The following INTS9 variants were observed in gnomAD, a reference collection of about 807,000 sequenced individuals.
INTS9 encodes integrator complex subunit 9.
In INTS9, 55 loss-of-function variants were observed where a neutral mutation model predicts 79.7. The observed-to-expected ratio is 0.69, with a 90% CI of 0.56 to 0.86. The LOEUF (loss-of-function observed/expected upper bound fraction) is 0.86, where lower values mean the gene tolerates loss of function less well. Ranked by LOEUF, INTS9 falls within the 40% of genes least tolerant of loss-of-function variation. INTS9 has a pLI of 0.00. For synonymous variants in INTS9, 319 were observed against 325.2 expected, an observed-to-expected ratio of 0.98 and a Z score of 0.20; for missense variants, 721 against 831.5, an observed-to-expected ratio of 0.87 and a Z score of 1.64.
intron 13 of INTS9, 134 bp downstream of exon 13, chr8:28,777,695 A>T (rs1046005578): frequency 2.0e-6 from 2 of 1,010,256 alleles, no homozygotes; most frequent in Admixed American, 3.7e-5. Context: ...CATGTGTCCC[A>T]GCATTCTGCA....
Position 28,852,130 on chromosome 8 carries a change from G to A in INTS9, c.138-1857C>T, listed in dbSNP as rs145967068. Among the ~76,000 whole-genome samples, 506 of 152,172 alleles carry A rather than the reference G, an allele frequency of 3.3e-3. 3 individuals are homozygous for A. Among genetic ancestry groups the A allele is most frequent in the African/African-American group, 0.012 (480 of 41,526 alleles). On this transcript the variant is annotated intron_variant, in intron 2 of 16. Coordinates refer to ENST00000521022, the MANE Select transcript of INTS9 (RefSeq NM_018250.4). ...GCTACTTGGGAGGCCCAGGAGGAAG[G>A]ATCGCTTGAGCCCAGGAGGTCAAGG... is the stretch of plus-strand genomic sequence containing the variant.
intron 4 of INTS9, among the ~76,000 whole-genome samples, chr8:28,838,462 A>G (rs1806955278): frequency 6.6e-6 from 1 of 152,026 alleles, no homozygotes; most frequent in Non-Finnish European, 1.5e-5. Context: ...AGTTTGGGTA[A>G]ATTTTAGGAA....
intron 1 of INTS9, 159 bp from the exon 2 acceptor site, chr8:28,859,722 AC>A: frequency 2.6e-6 from 2 of 783,536 alleles, no homozygotes; most frequent in Non-Finnish European, 2.2e-6. Context: ...CTTGGGGACT[AC>A]TTTCCCTAGC....
intron 6 of INTS9, among the ~76,000 whole-genome samples, chr8:28,817,460 G>C (rs1052643919): frequency 2.0e-5 from 3 of 152,104 alleles, no homozygotes; most frequent in African/African-American, 7.2e-5. Context: ...AGATCAGATA[G>C]TTGTAGATAT....
intron 16 of INTS9, among the ~76,000 whole-genome samples, chr8:28,769,299 A>G (rs1194720063): frequency 6.6e-6 from 1 of 152,238 alleles, no homozygotes; most frequent in African/African-American, 2.4e-5. Context: ...CCTTTAGCCA[A>G]TTCCTTCTTC....
At chr8:28,839,572 G>A (rs1278886701) in intron 4 of INTS9, among the ~76,000 whole-genome samples, 2 of 152,134 alleles carry the variant, frequency 1.3e-5, no homozygotes, top group Non-Finnish European at 2.9e-5. Flanking sequence ...AAAACAGCAT[G>A]GTACTGGTAC....
At chr8:28,806,039 G>T in intron 8 of INTS9, among the ~76,000 whole-genome samples, 1 of 151,640 alleles carries the variant, frequency 6.6e-6, no homozygotes, top group Non-Finnish European at 1.5e-5. Flanking sequence ...AGACCAGCCT[G>T]GGCAATATAG....
chr8:28,847,275 A>G (rs1563294130), intron 3 of INTS9, among the ~76,000 whole-genome samples: 2 of 152,226 alleles, frequency 1.3e-5, no homozygotes. Context: ...TTATGCTGTC[A>G]GGTTAGGAGT....
At chr8:28,789,558 G>A (rs1803808568) in intron 10 of INTS9, among the ~76,000 whole-genome samples, 1 of 150,554 alleles carries the variant, frequency 6.6e-6, no homozygotes, top group Admixed American at 6.6e-5. Context: ...GCTCCCTGAT[G>A]GCCAGACCTC....
chr8:28,842,278 G>T (rs1398783861), intron 4 of INTS9, among the ~76,000 whole-genome samples: 1 of 152,166 alleles, frequency 6.6e-6, no homozygotes, highest in Non-Finnish European at 1.5e-5. Flanking sequence ...GTAGGAGGTA[G>T]AAGGCAAGGC....
chr8:28,770,941 T>A, intron 15 of INTS9, 41 bp downstream of exon 15: 1 of 1,412,786 alleles, frequency 7.1e-7, no homozygotes. Context: ...GGTTTCTTGC[T>A]GGGGAGAGGG....
Position 28,850,249 on chromosome 8 carries a change from G to T in INTS9, c.162C>A (p.Gly54=). The T allele has an allele frequency of 6.2e-7, 1 of 1,613,746 alleles. No individual in the cohort carries two copies. The highest frequency in any genetic ancestry group is 8.5e-7 in the Non-Finnish European group (1 of 1,179,696). The change falls in exon 3 of 17, where the codon GGC becomes GGA. Residue 54 remains glycine, a synonymous_variant. Coordinates refer to ENST00000521022, the MANE Select transcript of INTS9 (RefSeq NM_018250.4). The part of the protein sequence containing the change: ...VQSPRLSNLP[G]WSLKDGNAFL... ...AAGCATTTCCATCCTTCAGGGACCA[G>T]CCAGGAAGATTGGACAGCCTGGGAC...
rs550763903 is a variant in INTS9 at position 28,780,178 on chromosome 8, A to G, written c.1270+645T>C. The G allele has an allele frequency of 5.5e-4, 99 of 178,974 alleles. 1 individual carries two copies. In the East Asian group the frequency reaches 0.02, roughly 36 times the overall value. 11.1% of individuals were successfully genotyped at this position (178,974 alleles called of 1,614,324 possible). ...TTTGGGCCACACTGGAAGAAGAACT[A>G]TCTCGTGCCCCACATAAAATACACT... On this transcript the variant is annotated intron_variant, in intron 12 of 16. Transcript: ENST00000521022.
chr8:28,846,886 C>T, intron 3 of INTS9, 77 bp from the exon 4 acceptor site: 1 of 1,092,024 alleles, frequency 9.2e-7, no homozygotes, highest in Non-Finnish European at 1.4e-6. Context: ...ACTCCCCAAA[C>T]AAAACTTTTC....
rs1482027580 is a variant in INTS9, at chr8:28,835,327, C to A, written c.453G>T (p.Gln151His). ...VNFIERVPKA[Q>H]SASLWKNKDI... Reference sequence around the variant, plus strand: ...CCTTATTCTTCCACAAGGAGGCAGACTGAGCCTTTGGCACTCTTTCAATGA... The same window carrying A: ...CCTTATTCTTCCACAAGGAGGCAGAATGAGCCTTTGGCACTCTTTCAATGA... Residue 151 changes from glutamine (Q) to histidine (H), a missense_variant, in exon 6 of 17, where the codon CAG becomes CAT. Around this residue, in one of 3 missense-constraint regions of INTS9, gnomAD observed 291 missense variants for 307.0 expected, o/e 0.95. Transcript: ENST00000521022. 6.2e-7 allele frequency: 1 copy of A among 1,613,924 alleles called. No homozygotes were observed. Among genetic ancestry groups the A allele is most frequent in the Admixed American group, 1.7e-5 (1 of 60,010 alleles).
intron 6 of INTS9, among the ~76,000 whole-genome samples, chr8:28,820,675 T>C (rs1429173081): frequency 6.6e-6 from 1 of 152,184 alleles, no homozygotes; most frequent in Non-Finnish European, 1.5e-5. Context: ...AGATCACAGA[T>C]AAACAATTAT....
chr8:28,786,773 A>G (rs900616083), intron 11 of INTS9, among the ~76,000 whole-genome samples: 19 of 152,114 alleles, frequency 1.2e-4, no homozygotes, highest in African/African-American at 4.3e-4. Context: ...GCTAGAGTGC[A>G]GTGGCGCGAT....
chr8:28,845,382 G>A (rs570915483), intron 4 of INTS9, among the ~76,000 whole-genome samples: 1 of 152,224 alleles, frequency 6.6e-6, no homozygotes, highest in South Asian at 2.1e-4. Flanking sequence ...CTTTAAAACA[G>A]TGACTATTAC....
chr8:28,868,849 TC>T, intron 1 of INTS9, among the ~76,000 whole-genome samples: 1 of 152,260 alleles, frequency 6.6e-6, no homozygotes, highest in Non-Finnish European at 1.5e-5. Flanking sequence ...ATGGCTGTAA[TC>T]CCAGCACTTT....
Sources: gnomAD v4.1 joint callset for allele counts (sites outside exome capture counted in the v4.1 genomes callset) on GRCh38, gnomAD v4.1.1 for gene constraint, gnomAD v4.1.1 regional missense constraint, MANE v1.5 for transcripts, NCBI Gene and HGNC (gene_info 2026-07-23, HGNC 2026-07-21) for gene names.